Variants in CSMD1 observed in about 807,000 individuals in gnomAD.
CSMD1 encodes the protein CUB and sushi domain-containing protein 1.
Under a neutral mutation model 417.5 loss-of-function variants are expected in CSMD1, and 213 were observed. That is an observed-to-expected ratio of 0.51 (90% CI 0.46 to 0.57). The LOEUF (loss-of-function observed/expected upper bound fraction) is 0.57, where lower values mean the gene tolerates loss of function less well. CSMD1 is among the 20% of genes least tolerant of loss of function. CSMD1 has a pLI of 0.00. For missense variants in CSMD1, 6,923 were observed against 4,529.7 expected (o/e 1.53, Z -15.17); for synonymous variants, 2,862 against 1,736.8 (o/e 1.65, Z -16.11).
chr8:3,878,513 T>G (rs1336208185), intron 5 of CSMD1, among the ~76,000 whole-genome samples: 1 of 152,124 alleles, frequency 6.6e-6, no homozygotes, highest in Admixed American at 6.5e-5. Context: ...TTTTAATATT[T>G]TTATTTATTT....
chr8:3,500,986 A>C (rs558589849), intron 10 of CSMD1, among the ~76,000 whole-genome samples: 8 of 152,228 alleles, frequency 5.3e-5, no homozygotes, highest in Non-Finnish European at 1.2e-4. Context: ...TTTTGCAGGA[A>C]AGAAATATTG....
intron 3 of CSMD1, among the ~76,000 whole-genome samples, chr8:4,305,880 A>G (rs1314303778): frequency 6.6e-6 from 1 of 152,126 alleles, no homozygotes; most frequent in Non-Finnish European, 1.5e-5. Flanking sequence ...TTACGTGTGT[A>G]TATGCAATTG....
At position 3,798,964 on chromosome 8, in the gene CSMD1, TTA is replaced by T. The variant is rs1361919629; in HGVS notation, c.819-44924_819-44923del. On this transcript the variant is annotated intron_variant, in intron 5 of 69. Coordinates refer to ENST00000635120, the MANE Select transcript of CSMD1 (RefSeq NM_033225.6). ...TATAAAAACTCTTTAGTAGATCCAT[TTA>T]TATATATGGGTGAATAATAAATATG... 4.6e-5 allele frequency among the ~76,000 whole-genome samples: 7 copies of T among 152,144 alleles called. No individual in the cohort carries two copies. The East Asian group carries it at 1.4e-3, about 29-fold the overall frequency.
intron 7 of CSMD1, among the ~76,000 whole-genome samples, chr8:3,677,661 C>G (rs1356926263): frequency 6.6e-6 from 1 of 152,148 alleles, no homozygotes; most frequent in African/African-American, 2.4e-5. Flanking sequence ...GAAAAGATAT[C>G]TATCCTTTAG....
intron 3 of CSMD1, among the ~76,000 whole-genome samples, chr8:4,386,858 G>C (rs1027636830): frequency 3.9e-5 from 6 of 152,194 alleles, no homozygotes; most frequent in Admixed American, 1.3e-4. Flanking sequence ...AGCAAATGTT[G>C]AATCCCTCGT....
intron 1 of CSMD1, among the ~76,000 whole-genome samples, chr8:4,768,587 T>C (rs150690540): frequency 6.6e-6 from 1 of 152,280 alleles, no homozygotes; most frequent in East Asian, 1.9e-4. Context: ...AGCTCAGAGC[T>C]GTTTCTGATT....
intron 5 of CSMD1, among the ~76,000 whole-genome samples, chr8:3,757,133 A>G (rs1797704471): frequency 6.6e-6 from 1 of 152,138 alleles, no homozygotes; most frequent in Non-Finnish European, 1.5e-5. Flanking sequence ...TGCCTACATT[A>G]ATAATGATCA....
At chr8:4,546,742 AAT>A (rs1293403052) in intron 2 of CSMD1, among the ~76,000 whole-genome samples, 3 of 152,090 alleles carry the variant, frequency 2.0e-5, no homozygotes, top group African/African-American at 7.2e-5. Flanking sequence ...TCCCATAATA[AAT>A]ATATATGTGT....
chr8:3,531,556 G>A lies in CSMD1; in HGVS notation c.1345-37830C>T, dbSNP rs186914471. On this transcript the variant is annotated intron_variant, in intron 10 of 69. Coordinates refer to ENST00000635120, the MANE Select transcript of CSMD1 (RefSeq NM_033225.6). ...AGGGAGGCAGCCAGAAGTTCTGGGA[G>A]CCCTGCCATGCAGTCCAGGTTCCAT... Among the ~76,000 whole-genome samples the A allele has an allele frequency of 3.3e-5, 5 of 152,308 alleles. No individual in the cohort carries two copies. In the East Asian group the frequency reaches 9.7e-4, roughly 29 times the overall value.
At chr8:3,260,358 T>G (rs149875205) in intron 26 of CSMD1, among the ~76,000 whole-genome samples, 40 of 152,212 alleles carry the variant, frequency 2.6e-4, no homozygotes, top group Middle Eastern at 3.4e-3. Context: ...TGGAGTTTTG[T>G]GTCGGGTGCC....
intron 6 of CSMD1, among the ~76,000 whole-genome samples, chr8:3,748,539 A>C (rs1797167405): frequency 6.6e-6 from 1 of 152,200 alleles, no homozygotes; most frequent in Admixed American, 6.5e-5. Context: ...TCCAGGTTCT[A>C]GATAATGGTT....
At chr8:3,922,614 T>C (rs1278327388) in intron 5 of CSMD1, among the ~76,000 whole-genome samples, 1 of 152,190 alleles carries the variant, frequency 6.6e-6, no homozygotes, top group Non-Finnish European at 1.5e-5. Context: ...AAGCAGTCTA[T>C]TTTGTGGCTG....
chr8:3,981,108 G>A (rs1003567816), intron 5 of CSMD1, among the ~76,000 whole-genome samples: 10 of 152,200 alleles, frequency 6.6e-5, no homozygotes, highest in African/African-American at 1.4e-4. Flanking sequence ...CATAATGCAT[G>A]CTGAAATGTC....
chr8:4,239,842 C>T (rs1404584064), intron 3 of CSMD1, among the ~76,000 whole-genome samples: 8 of 152,162 alleles, frequency 5.3e-5, no homozygotes, highest in Admixed American at 2.6e-4. Flanking sequence ...TGTGTCTACA[C>T]TATTTTGGAA....
chr8:3,785,989 G>C (rs898708543), intron 5 of CSMD1, among the ~76,000 whole-genome samples: 9 of 152,214 alleles, frequency 5.9e-5, no homozygotes, highest in African/African-American at 9.7e-5. Context: ...GGAGACCTGA[G>C]TACTTAGGCT....
chr8:3,504,131 A>C (rs1359695230), intron 10 of CSMD1, among the ~76,000 whole-genome samples: 6 of 152,210 alleles, frequency 3.9e-5, no homozygotes, highest in African/African-American at 1.4e-4. Context: ...TGAATGTTTG[A>C]AGTGATGAAT....
intron 8 of CSMD1, 28 bp from the exon 9 acceptor site, chr8:3,586,288 A>C (rs1282428142): frequency 1.1e-5 from 16 of 1,489,474 alleles, no homozygotes; most frequent in South Asian, 2.5e-5. Context: ...AAAAAAAAAA[A>C]CCCAAATTAT....
chr8:4,759,319 G>C (rs1811872794), intron 1 of CSMD1, among the ~76,000 whole-genome samples: 1 of 152,170 alleles, frequency 6.6e-6, no homozygotes, highest in African/African-American at 2.4e-5. Context: ...CATCTGGTCT[G>C]AAAGCCCCAG....
intron 1 of CSMD1, among the ~76,000 whole-genome samples, chr8:4,896,800 G>A (rs935287479): frequency 2.0e-5 from 3 of 151,982 alleles, no homozygotes; most frequent in African/African-American, 4.8e-5. Context: ...GCGGGGTAGG[G>A]CGGGGGGAAG....
Sources: allele counts gnomAD v4.1 joint callset (sites outside exome capture counted in the v4.1 genomes callset), GRCh38; gene constraint gnomAD v4.1.1; transcripts MANE v1.5; gene names NCBI Gene and HGNC (gene_info 2026-07-23, HGNC 2026-07-21).